TMX3: variants seen among roughly 807,000 people sequenced by gnomAD.
The protein encoded by TMX3 is protein disulfide-isomerase TMX3.
In TMX3, 40 loss-of-function variants were observed where a neutral mutation model predicts 64.4. That is an observed-to-expected ratio of 0.62 (90% CI 0.48 to 0.81). The LOEUF (loss-of-function observed/expected upper bound fraction) is 0.81. TMX3 is among the 30% of genes least tolerant of loss of function. The pLI is 0.00. For synonymous variants in TMX3, 189 were observed against 175.7 expected (o/e 1.08, Z -0.60); for missense variants, 497 against 534.5 (o/e 0.93, Z 0.69).
At chr18:68,703,331 G>A (rs2030314236) in intron 4 of TMX3, among the ~76,000 whole-genome samples, 1 of 152,062 alleles carries the variant, frequency 6.6e-6, no homozygotes, top group Non-Finnish European at 1.5e-5. Flanking sequence ...TAATCCCTTT[G>A]TATAACTTAA....
chr18:68,697,388 A>C, intron 7 of TMX3, 85 bp from the exon 8 acceptor site: 1 of 670,094 alleles, frequency 1.5e-6, no homozygotes, highest in South Asian at 2.4e-5. Context: ...GAGTTACCTT[A>C]TGTAGTAAGA....
intron 4 of TMX3, among the ~76,000 whole-genome samples, chr18:68,706,911 T>C (rs933079123): frequency 6.6e-6 from 1 of 152,210 alleles, no homozygotes; most frequent in African/African-American, 2.4e-5. Flanking sequence ...ACATAACACA[T>C]TCCCTTGGTG....
intron 15 of TMX3, among the ~76,000 whole-genome samples, chr18:68,677,861 T>C (rs1023635912): frequency 2.6e-5 from 4 of 151,848 alleles, no homozygotes; most frequent in Non-Finnish European, 5.9e-5. Context: ...AGAATAAAGG[T>C]GTGTTTTAGG....
chr18:68,702,601 G>A (rs979859497), intron 4 of TMX3, among the ~76,000 whole-genome samples: 14 of 152,048 alleles, frequency 9.2e-5, no homozygotes, highest in African/African-American at 2.9e-4. Context: ...GTTAACACAC[G>A]TTATACCATA....
At chr18:68,703,087 A>C (rs1208749267) in intron 4 of TMX3, among the ~76,000 whole-genome samples, 1 of 152,198 alleles carries the variant, frequency 6.6e-6, no homozygotes, top group Non-Finnish European at 1.5e-5. Context: ...TCATTCTGTC[A>C]AGTATGTTCT....
intron 10 of TMX3, chr18:68,686,633 G>C (rs1005165335): frequency 1.6e-6 from 1 of 622,676 alleles, no homozygotes; most frequent in Non-Finnish European, 2.0e-6. Flanking sequence ...CTTGAACCAG[G>C]GAGGTGGAGG....
At chr18:68,688,237 A>T (rs1914155945) in intron 9 of TMX3, among the ~76,000 whole-genome samples, 1 of 152,172 alleles carries the variant, frequency 6.6e-6, no homozygotes, top group Non-Finnish European at 1.5e-5. Context: ...ATCAATGGTT[A>T]TACTTGGGTC....
chr18:68,695,331 G>GA (rs1914954312), intron 8 of TMX3, among the ~76,000 whole-genome samples: 1 of 151,924 alleles, frequency 6.6e-6, no homozygotes, highest in African/African-American at 2.4e-5. Flanking sequence ...TTCCTTTGCT[G>GA]ACCTCAGGTT....
At position 68,690,986 on chromosome 18, in the gene TMX3, C is replaced by G. The variant is rs1232759944; in HGVS notation, c.637+309G>C. ...GTCTTTTTCTGTATCTGAAATGTTA[C>G]TTCAAAAAAATGAATTCTGAACATT... On this transcript the variant is annotated intron_variant, in intron 9 of 15. Transcript: ENST00000299608. The G allele has an allele frequency of 3.6e-5, 10 of 280,172 alleles. No individual in the cohort carries two copies. The East Asian group carries it at 5.8e-4, about 16-fold the overall frequency. 17.4% of individuals were successfully genotyped at this position (280,172 alleles called of 1,614,324 possible).
At chr18:68,703,965 A>G (rs1381386293) in intron 4 of TMX3, among the ~76,000 whole-genome samples, 1 of 152,082 alleles carries the variant, frequency 6.6e-6, no homozygotes, top group Non-Finnish European at 1.5e-5. Flanking sequence ...ATTTAAAAAA[A>G]AGCAAACAAA....
chr18:68,683,106 G>GC (rs1478184803), intron 12 of TMX3, 125 bp from the exon 13 acceptor site: 3 of 755,316 alleles, frequency 4.0e-6, no homozygotes, highest in Non-Finnish European at 6.5e-6. Flanking sequence ...GCCTCAGTAG[G>GC]CCCAGAAACT....
At chr18:68,692,987 G>A (rs1039129317) in intron 8 of TMX3, among the ~76,000 whole-genome samples, 2 of 152,178 alleles carry the variant, frequency 1.3e-5, no homozygotes, top group Non-Finnish European at 2.9e-5. Context: ...TGCTTGCAAA[G>A]CTTTGTAGAT....
intron 14 of TMX3, 194 bp from the exon 15 acceptor site, chr18:68,679,725 T>C: frequency 1.9e-6 from 1 of 533,516 alleles, no homozygotes; most frequent in Non-Finnish European, 3.3e-6. Context: ...TGCCTGCTTG[T>C]GTTAATTCAC....
intron 4 of TMX3, among the ~76,000 whole-genome samples, chr18:68,708,521 C>T (rs1568203947): frequency 1.3e-5 from 2 of 152,154 alleles, no homozygotes; most frequent in Non-Finnish European, 2.9e-5. Context: ...TGGGACATGT[C>T]TATGAAAATT....
At chr18:68,690,715 T>C (rs1914435797) in intron 9 of TMX3, among the ~76,000 whole-genome samples, 1 of 152,242 alleles carries the variant, frequency 6.6e-6, no homozygotes, top group Non-Finnish European at 1.5e-5. Flanking sequence ...GCAAATGTCA[T>C]GATGGGCAAA....
At chr18:68,706,063 G>A (rs1474682615) in intron 4 of TMX3, among the ~76,000 whole-genome samples, 1 of 152,190 alleles carries the variant, frequency 6.6e-6, no homozygotes, top group Non-Finnish European at 1.5e-5. Flanking sequence ...CAAACTCAGT[G>A]TGCAGTGGAA....
chr18:68,677,125 G>C lies in TMX3; in HGVS notation c.1173C>G (p.Ile391Met). Reference protein sequence around the residue: ...LFGLPLGVISIMCYGIYTADT... With the variant: ...LFGLPLGVISMMCYGIYTADT... ...CGGCTGTGTAGATTCCATAGCACATGATACTGATGACACCCAGTGGCAGGC... is the reference window on the plus strand; with the variant it reads ...CGGCTGTGTAGATTCCATAGCACATCATACTGATGACACCCAGTGGCAGGC... Residue 391 changes from isoleucine (I) to methionine (M), a missense_variant, in exon 16 of 16, where the codon ATC (isoleucine) becomes ATG (methionine). This residue lies in a region of TMX3 where 94 missense variants were observed against 75.8 expected (regional missense o/e 1.24). Coordinates refer to ENST00000299608, the MANE Select transcript of TMX3 (RefSeq NM_019022.5). 1 of 1,613,160 alleles carries C rather than the reference G, an allele frequency of 6.2e-7. No individual in the cohort carries two copies. The highest frequency in any genetic ancestry group is 1.1e-5 in the South Asian group (1 of 91,028).
chr18:68,679,595 A>G (rs1427148985), intron 14 of TMX3, 64 bp from the exon 15 acceptor site: 1 of 1,425,926 alleles, frequency 7.0e-7, no homozygotes, highest in South Asian at 1.2e-5. Context: ...TTGGTGTTAC[A>G]TAACCTTACA....
intron 14 of TMX3, among the ~76,000 whole-genome samples, chr18:68,679,885 T>C (rs533525991): frequency 6.6e-6 from 1 of 152,270 alleles, no homozygotes; most frequent in Middle Eastern, 3.4e-3. Flanking sequence ...TTTGCTACTG[T>C]GCAGGGAGAG....
Sources: gnomAD v4.1 joint callset for allele counts (sites outside exome capture counted in the v4.1 genomes callset) on GRCh38, gnomAD v4.1.1 for gene constraint, gnomAD v4.1.1 regional missense constraint, MANE v1.5 for transcripts, NCBI Gene and HGNC (gene_info 2026-07-23, HGNC 2026-07-21) for gene names.